Variants in IQGAP1 observed in about 807,000 individuals in gnomAD.
IQGAP1 encodes the protein ras GTPase-activating-like protein IQGAP1.
Under a neutral mutation model 215.6 loss-of-function variants are expected in IQGAP1, and 66 were observed. The observed-to-expected ratio is 0.31, with a 90% CI of 0.25 to 0.38. The LOEUF (loss-of-function observed/expected upper bound fraction) is 0.38, where lower values mean the gene tolerates loss of function less well. Among genes scored for constraint, IQGAP1 ranks in the 10% least tolerant of loss-of-function variants. IQGAP1 has a pLI of 1.00. For missense variants in IQGAP1, 1,712 were observed against 1,997.1 expected (o/e 0.86, Z 2.72); for synonymous variants, 772 against 728.7 (o/e 1.06, Z -0.96).
At chr15:90,466,194 A>T (rs1965828511) in intron 16 of IQGAP1, 75 bp from the exon 17 acceptor site, 1 of 1,579,642 alleles carries the variant, frequency 6.3e-7, no homozygotes, top group Non-Finnish European at 8.7e-7. Context: ...TTGCCAGTAG[A>T]TATAGTTAGG....
At position 90,492,583 on chromosome 15, in the gene IQGAP1, G is replaced by A; in HGVS notation, c.4500G>A (p.Lys1500=). 6.2e-7 allele frequency: 1 copy of A among 1,612,764 alleles called. No individual in the cohort carries two copies. Among genetic ancestry groups the A allele is most frequent in the Non-Finnish European group, 8.5e-7 (1 of 1,179,674 alleles). The part of the protein sequence containing the change: ...RNQRRYRQRR[K]AELVKLQQTY... ...AGCGGAGGTACCGACAGAGGAGAAA[G>A]GCCGAACTAGTGAAACTGCAACAGA... Residue 1500 remains lysine, a synonymous_variant, in exon 35 of 38, where the codon AAG becomes AAA. Coordinates refer to ENST00000268182, the MANE Select transcript of IQGAP1 (RefSeq NM_003870.4).
intron 15 of IQGAP1, among the ~76,000 whole-genome samples, chr15:90,465,739 A>G (rs565757437): frequency 1.3e-5 from 2 of 151,936 alleles, no homozygotes; most frequent in East Asian, 3.9e-4. Context: ...TATGTTGCCC[A>G]GGCTGGTCTC....
Position 90,482,232 on chromosome 15 carries a change from A to G in IQGAP1, c.3506A>G (p.Asp1169Gly). ...CGCTTCATTGCCAAAGTGCTGAAGG[A>G]CTCGTTGCATGAGAAGTTCCCTGAT... is the stretch of plus-strand genomic sequence containing the variant. ...GMRFIAKVLK[D>G]SLHEKFPDAG... The change falls in exon 28 of 38, where the codon GAC becomes GGC. Residue 1169 changes from aspartate (D) to glycine (G), a missense_variant. Transcript: ENST00000268182. 6.2e-7 allele frequency: 1 copy of G among 1,614,124 alleles called. No homozygotes were observed. Among genetic ancestry groups the G allele is most frequent in the Non-Finnish European group, 8.5e-7 (1 of 1,180,020 alleles).
chr15:90,496,643 C>G (rs1288782957), intron 36 of IQGAP1: 1 of 152,032 alleles, frequency 6.6e-6, no homozygotes, highest in South Asian at 2.1e-4. Flanking sequence ...TTCCTTTTGG[C>G]CCCCCAAAAT....
rs186914882 is a variant in IQGAP1 at position 90,474,012 on chromosome 15, A to G, written c.2505+45A>G. On this transcript the variant is annotated intron_variant, in intron 21 of 37. Coordinates refer to ENST00000268182, the MANE Select transcript of IQGAP1 (RefSeq NM_003870.4). The stretch of plus-strand genomic sequence containing the variant: ...ACAGGCCATTAGGGGCAATTTTGCC[A>G]TATTTTTGGTAGACAGATGAACAGA... 749 of 1,608,262 alleles carry G rather than the reference A, an allele frequency of 4.7e-4. 3 individuals are homozygous for G. The highest frequency in any genetic ancestry group is 5.0e-5 in the Admixed American group (3 of 59,840).
chr15:90,470,542 C>T (rs564271101), intron 18 of IQGAP1, among the ~76,000 whole-genome samples: 1 of 152,084 alleles, frequency 6.6e-6, no homozygotes, highest in Non-Finnish European at 1.5e-5. Context: ...ATCTTTATTT[C>T]CCACATCTTT....
intron 25 of IQGAP1, 100 bp from the exon 26 acceptor site, chr15:90,477,565 G>A (rs989846121): frequency 3.2e-5 from 28 of 884,984 alleles, no homozygotes; most frequent in Admixed American, 1.0e-4. Context: ...GGAATGTTTC[G>A]AGAGAAACTG....
At chr15:90,429,452 A>G in intron 3 of IQGAP1, 137 bp from the exon 4 acceptor site, 1 of 585,154 alleles carries the variant, frequency 1.7e-6, no homozygotes. Context: ...GCTTTTTGGT[A>G]TTGGAATGTG....
intron 2 of IQGAP1, among the ~76,000 whole-genome samples, chr15:90,406,512 C>T (rs999766121): frequency 2.0e-5 from 3 of 152,184 alleles, no homozygotes; most frequent in Admixed American, 2.0e-4. Context: ...ATAGTGATGA[C>T]GGTTGTACAA....
chr15:90,490,529 A>C (rs1267753631), intron 33 of IQGAP1, among the ~76,000 whole-genome samples: 5 of 152,194 alleles, frequency 3.3e-5, no homozygotes. Flanking sequence ...TGGTGTCTGC[A>C]GAATGTTTGA....
chr15:90,426,050 C>G, intron 2 of IQGAP1, 60 bp from the exon 3 acceptor site: 1 of 1,505,702 alleles, frequency 6.6e-7, no homozygotes, highest in East Asian at 2.3e-5. Flanking sequence ...AGCTTAAAAT[C>G]TCTAAGGAAA....
At chr15:90,423,902 A>G (rs1408870158) in intron 2 of IQGAP1, among the ~76,000 whole-genome samples, 1 of 152,256 alleles carries the variant, frequency 6.6e-6, no homozygotes, top group Non-Finnish European at 1.5e-5. Context: ...TAGAAATCTC[A>G]GAAAAGAGGA....
intron 2 of IQGAP1, among the ~76,000 whole-genome samples, chr15:90,409,904 G>C (rs1964934520): frequency 4.6e-5 from 7 of 152,202 alleles, no homozygotes; most frequent in Admixed American, 4.6e-4. Flanking sequence ...GACCAGTGAT[G>C]ATGAGCATTT....
At chr15:90,403,944 G>T (rs1352769825) in intron 2 of IQGAP1, among the ~76,000 whole-genome samples, 1 of 152,140 alleles carries the variant, frequency 6.6e-6, no homozygotes, top group African/African-American at 2.4e-5. Flanking sequence ...CTAAGTGTTG[G>T]GCTTACAGAC....
intron 33 of IQGAP1, among the ~76,000 whole-genome samples, chr15:90,488,567 T>C (rs1018874475): frequency 1.1e-4 from 16 of 152,144 alleles, no homozygotes; most frequent in African/African-American, 3.9e-4. Context: ...CATGGTCTTG[T>C]TGGGGAAATG....
chr15:90,492,947 A>G (rs898738388), intron 35 of IQGAP1, among the ~76,000 whole-genome samples: 1 of 152,084 alleles, frequency 6.6e-6, no homozygotes, highest in African/African-American at 2.4e-5. Context: ...TCCTTTTGCA[A>G]AATATCTTCT....
chr15:90,493,605 T>G (rs542210555), intron 35 of IQGAP1, among the ~76,000 whole-genome samples: 1 of 152,264 alleles, frequency 6.6e-6, no homozygotes, highest in African/African-American at 2.4e-5. Flanking sequence ...AGCACCCATG[T>G]GCCCTTCACC....
Position 90,499,977 on chromosome 15 carries a change from GT to G in IQGAP1, c.4861-14del. On this transcript the variant is annotated splice_polypyrimidine_tract_variant and intron_variant, in intron 37 of 37. Transcript: ENST00000268182. ...CTGTCAAAATGTTTTGTTTTGTTTT[GT>G]TTTGTTTTGTTAATAGGACCTGCTG... The G allele has an allele frequency of 7.1e-7, 1 of 1,401,436 alleles. No homozygotes were observed. Among genetic ancestry groups the G allele is most frequent in the Non-Finnish European group, 1.0e-6 (1 of 987,406 alleles). The allele number at this position is 1,401,436 out of a possible 1,614,324, so 86.8% of individuals were successfully genotyped here.
intron 30 of IQGAP1, 62 bp downstream of exon 30, chr15:90,484,414 T>A (rs1176786972): frequency 7.2e-7 from 1 of 1,396,042 alleles, no homozygotes; most frequent in East Asian, 2.3e-5. Context: ...TGGCTGCTGC[T>A]TATCATCTCT....
Sources: gnomAD v4.1 joint callset for allele counts (sites outside exome capture counted in the v4.1 genomes callset) on GRCh38, gnomAD v4.1.1 for gene constraint, MANE v1.5 for transcripts, NCBI Gene and HGNC (gene_info 2026-07-23, HGNC 2026-07-21) for gene names.